BOC: variants seen among roughly 807,000 people sequenced by gnomAD.
The protein encoded by BOC is BOC cell adhesion associated, oncogene regulated.
Under a neutral mutation model 112.0 loss-of-function variants are expected in BOC, and 76 were observed. The observed-to-expected ratio is 0.68, with a 90% CI of 0.56 to 0.82. BOC has a LOEUF of 0.82. BOC is among the 40% of genes least tolerant of loss of function. The pLI is 0.00. For synonymous variants in BOC, 580 were observed against 599.8 expected (o/e 0.97, Z 0.48); for missense variants, 1,309 against 1,511.7 (o/e 0.87, Z 2.22).
chr3:113,278,118 T>C lies in BOC; in HGVS notation c.1566T>C (p.Asp522=), dbSNP rs749311683. The C allele has an allele frequency of 1.5e-5, 24 of 1,614,086 alleles. No individual in the cohort carries two copies. The highest frequency in any genetic ancestry group is 3.3e-5 in the South Asian group (3 of 91,090). ...AGCAGGTCACAAATTCCTCTGACGA[T>C]TGGACCATCTCTGGCATTCCAGCCA... ...HRKQVTNSSD[D]WTISGIPANQ... is the part of the protein sequence containing the mutation. Residue 522 remains aspartate (D), a synonymous_variant, in exon 10 of 20, where the codon GAT becomes GAC. Transcript: ENST00000682979. The surrounding 1 kb of genome is among the most constrained non-coding windows in gnomAD (Gnocchi z 4.2).
chr3:113,277,745 A>G (rs1026344799), intron 9 of BOC, among the ~76,000 whole-genome samples: 1 of 152,250 alleles, frequency 6.6e-6, no homozygotes, highest in African/African-American at 2.4e-5. Flanking sequence ...TGGTTTACAT[A>G]CAGAAGGAGA....
At chr3:113,271,428 T>C in intron 6 of BOC, 1 of 340,228 alleles carries the variant, frequency 2.9e-6, no homozygotes, top group Non-Finnish European at 5.8e-6. Context: ...GCCCACATGC[T>C]CTCAATGCAC....
At chr3:113,264,409 T>C (rs4682132) in intron 4 of BOC, among the ~76,000 whole-genome samples, 33,653 of 152,144 alleles carry the variant, frequency 0.22, 4,363 homozygotes, top group East Asian at 0.44. Context: ...CATTTCCCCA[T>C]GAAACCTGAT....
Position 113,284,789 on chromosome 3 carries a change from ACACC to A in BOC, c.2898_2901del (p.Asp966GlufsTer5). 3 of 1,614,186 alleles carry A rather than the reference ACACC, an allele frequency of 1.9e-6. No individual in the cohort carries two copies. Among genetic ancestry groups the A allele is most frequent in the Non-Finnish European group, 2.5e-6 (3 of 1,179,986 alleles). ...ACTCTTCCTTTTGAGCAGCAGAGTG[ACACC>A]AGCAGCCTGCTGAGGCAGACCCATC... is the stretch of plus-strand genomic sequence containing the variant. On this transcript the variant is annotated frameshift_variant, in exon 18 of 20. Coordinates refer to ENST00000682979, the MANE Select transcript of BOC (RefSeq NM_001378074.1). LOFTEE classifies it high-confidence loss of function.
At chr3:113,236,298 A>ATATACCCATGGG in intron 2 of BOC, among the ~76,000 whole-genome samples, 2 of 124,458 alleles carry the variant, frequency 1.6e-5, no homozygotes, top group Non-Finnish European at 3.6e-5. Context: ...ATATATATAT[A>ATATACCCATGGG]TATATATATA....
In BOC at chr3:113,256,356, C is replaced by T. The variant is rs538226821; in HGVS notation, c.376+5523C>T. ...TTCCTTATATACATGTGCTCTCTAA[C>T]TCAGATTCCCACCCCAGCCGCCTTC... On this transcript the variant is annotated intron_variant, in intron 4 of 19. Transcript: ENST00000682979. Among the ~76,000 whole-genome samples the T allele has an allele frequency of 1.3e-3, 205 of 152,334 alleles. 1 individual carries two copies. Among genetic ancestry groups the T allele is most frequent in the African/African-American group, 4.6e-3 (192 of 41,574 alleles).
intron 4 of BOC, chr3:113,251,496 C>T (rs1945635655): frequency 6.5e-6 from 1 of 153,530 alleles, no homozygotes; most frequent in Non-Finnish European, 1.4e-5. Context: ...AGACTTCACA[C>T]TACCTTTTTT....
intron 4 of BOC, among the ~76,000 whole-genome samples, chr3:113,262,298 T>G (rs984359157): frequency 5.3e-5 from 8 of 152,258 alleles, no homozygotes; most frequent in Non-Finnish European, 1.2e-4. Context: ...AGGACTACGC[T>G]GGAGAACACC....
At chr3:113,232,957 T>A (rs1311600466) in intron 2 of BOC, among the ~76,000 whole-genome samples, 1 of 152,222 alleles carries the variant, frequency 6.6e-6, no homozygotes, top group South Asian at 2.1e-4. Flanking sequence ...AAGGGTTTCT[T>A]GCTTGCATAA....
intron 2 of BOC, among the ~76,000 whole-genome samples, chr3:113,235,817 C>T (rs992281642): frequency 4.6e-5 from 7 of 152,136 alleles, no homozygotes; most frequent in Non-Finnish European, 7.4e-5. Flanking sequence ...ACTTCTGATG[C>T]AGGTGTGTAG....
intron 16 of BOC, 89 bp from the exon 17 acceptor site, chr3:113,284,246 C>T (rs1949465152): frequency 6.3e-6 from 7 of 1,113,452 alleles, no homozygotes; most frequent in African/African-American, 1.5e-5. Flanking sequence ...CCTCTGTGGC[C>T]AGGAGCCTCC....
chr3:113,255,104 C>CT (rs201138940), intron 4 of BOC, among the ~76,000 whole-genome samples: 6 of 152,102 alleles, frequency 3.9e-5, no homozygotes, highest in Admixed American at 2.0e-4. Flanking sequence ...TTAACCTAAA[C>CT]TTTAAAAAAA....
In BOC at chr3:113,278,911, C is replaced by T; in HGVS notation, c.1816+128C>T. 1 of 782,606 alleles carries T rather than the reference C, an allele frequency of 1.3e-6. No homozygotes were observed. Among genetic ancestry groups the T allele is most frequent in the South Asian group, 1.7e-5 (1 of 58,318 alleles). The allele number at this position is 782,606 out of a possible 1,614,324, so 48.5% of individuals were successfully genotyped here. On this transcript the variant is annotated intron_variant, in intron 11 of 19. Coordinates refer to ENST00000682979, the MANE Select transcript of BOC (RefSeq NM_001378074.1). The surrounding 1 kb of genome is among the most constrained non-coding windows in gnomAD (Gnocchi z 4.2). ...TTTTATGACATCTCCCAGTTAACCA[C>T]AATGAGGAAATGTAGTTTGGAGCTT...
Position 113,280,706 on chromosome 3 carries a change from T to C in BOC, c.2311+43T>C, listed in dbSNP as rs755204100. On this transcript the variant is annotated intron_variant, in intron 14 of 19. Coordinates refer to ENST00000682979, the MANE Select transcript of BOC (RefSeq NM_001378074.1). The stretch of plus-strand genomic sequence containing the variant: ...GTTTATAGCTTCTGCGTGATATAGT[T>C]TCCTCCGCTGGCATGGGGGACAAGG... The C allele has an allele frequency of 3.4e-6, 5 of 1,468,648 alleles. No individual in the cohort carries two copies. In the South Asian group the frequency reaches 5.7e-5, roughly 17 times the overall value. The allele number at this position is 1,468,648 out of a possible 1,614,324, so 91.0% of individuals were successfully genotyped here. A position where few individuals can be genotyped will look rare whatever the true frequency, so the allele number is the denominator to read the frequency against.
intron 4 of BOC, chr3:113,251,399 C>CTG (rs1313322205): frequency 6.4e-6 from 1 of 157,254 alleles, no homozygotes; most frequent in Non-Finnish European, 1.4e-5. Flanking sequence ...GAAAAGGAAA[C>CTG]TGTGTGGCAA....
At chr3:113,270,533 G>A in intron 5 of BOC, 1 of 435,294 alleles carries the variant, frequency 2.3e-6, no homozygotes, top group African/African-American at 2.0e-5. Context: ...ATTGACCTAT[G>A]CACTAAGTTG....
In BOC at chr3:113,272,480, G is replaced by A. The variant is rs769385378; in HGVS notation, c.738G>A (p.Gln246=). The change falls in exon 7 of 20, where the codon CAG becomes CAA. Residue 246 remains glutamine (Q), a synonymous_variant. Transcript: ENST00000682979. ...EAQTIIVTKG[Q]SLILECVASG... ...AAACCATCATCGTCACCAAAGGCCA[G>A]AGTCTCATTCTGGAGTGTGTGGCCA... 1 of 1,614,150 alleles carries A rather than the reference G, an allele frequency of 6.2e-7. No homozygotes were observed. The highest frequency in any genetic ancestry group is 8.5e-7 in the Non-Finnish European group (1 of 1,180,038).
intron 2 of BOC, among the ~76,000 whole-genome samples, chr3:113,217,117 A>G (rs1939553905): frequency 1.3e-5 from 2 of 152,216 alleles, no homozygotes; most frequent in South Asian, 4.1e-4. Context: ...AGGAATTAAT[A>G]CCAGAGCCCA....
chr3:113,286,234 TAAAAGATGCTG>T (rs1450624050), intron 19 of BOC, among the ~76,000 whole-genome samples: 1 of 152,168 alleles, frequency 6.6e-6, no homozygotes, highest in Non-Finnish European at 1.5e-5. Flanking sequence ...AGATTAAATT[TAAAAGATGCTG>T]GGTCCTAAAG....
Sources: gnomAD v4.1 joint callset for allele counts (sites outside exome capture counted in the v4.1 genomes callset) on GRCh38, gnomAD v4.1.1 for gene constraint, Gnocchi (gnomAD v3.1) non-coding constraint, MANE v1.5 for transcripts, NCBI Gene and HGNC (gene_info 2026-07-23, HGNC 2026-07-21) for gene names.